CALN1: variants seen among roughly 807,000 people sequenced by gnomAD.
The protein encoded by CALN1 is calneuron 1.
A neutral mutation model predicts 30.6 loss-of-function variants in CALN1; 17 were observed. The ratio of observed to expected loss-of-function variants is 0.56; its 90% CI spans 0.38 to 0.83. CALN1 has a LOEUF of 0.83. Ranked by LOEUF, CALN1 falls within the 40% of genes least tolerant of loss-of-function variation. The pLI is 0.00. For missense variants in CALN1, 291 were observed against 354.9 expected, an observed-to-expected ratio of 0.82 and a Z score of 1.45; for synonymous variants, 156 against 131.4, an observed-to-expected ratio of 1.19 and a Z score of -1.28.
intron 4 of CALN1, among the ~76,000 whole-genome samples, chr7:72,097,704 T>C (rs202203384): frequency 0.23 from 34,032 of 146,696 alleles, 4,777 homozygotes; most frequent in East Asian, 0.69. Flanking sequence ...TTTTGACTAT[T>C]TTTTTTTCTT....
chr7:72,024,751 G>A (rs1397062623), intron 4 of CALN1, among the ~76,000 whole-genome samples: 1 of 150,706 alleles, frequency 6.6e-6, no homozygotes, highest in East Asian at 1.9e-4. Flanking sequence ...TAGTGTTCAA[G>A]CCTCACTATC....
the CALN1 span, among the ~76,000 whole-genome samples, chr7:72,485,946 G>C: frequency 6.6e-6 from 1 of 152,124 alleles, no homozygotes; most frequent in African/African-American, 2.4e-5. Context: ...GTGAGCATAT[G>C]TTCTTTTTTA....
chr7:72,314,431 A>AT (rs1167427203), intron 2 of CALN1, among the ~76,000 whole-genome samples: 158 of 146,716 alleles, frequency 1.1e-3, no homozygotes, highest in Middle Eastern at 3.7e-3. Context: ...ACATACATAG[A>AT]TTTTTTTTTT....
At position 71,787,171 on chromosome 7, in the gene CALN1, CG is replaced by C. The variant is rs1562775350; in HGVS notation, c.*603del. ...AGTCCTCTAGAAAAGGCAGTAAGAA[CG>C]GAAGCGGTGAGGGGTGCAGCTGAAG... On this transcript the variant is annotated 3_prime_UTR_variant, in exon 7 of 7. Transcript: ENST00000395275. 6.7e-6 allele frequency: 1 copy of C among 148,602 alleles called. No homozygotes were observed. Among genetic ancestry groups the C allele is most frequent in the African/African-American group, 2.5e-5 (1 of 39,776 alleles). 9.2% of individuals were successfully genotyped at this position (148,602 alleles called of 1,614,324 possible).
At chr7:72,199,053 T>A (rs1176663972) in intron 3 of CALN1, among the ~76,000 whole-genome samples, 1 of 152,150 alleles carries the variant, frequency 6.6e-6, no homozygotes, top group Non-Finnish European at 1.5e-5. Context: ...GGCAGGTAGA[T>A]CACTTGAGGT....
intron 2 of CALN1, among the ~76,000 whole-genome samples, chr7:72,294,367 T>C (rs1562850690): frequency 6.6e-6 from 1 of 151,794 alleles, no homozygotes; most frequent in South Asian, 2.1e-4. Context: ...TCATTCTATG[T>C]TTGAGGGTAA....
upstream of CALN1, among the ~76,000 whole-genome samples, chr7:72,413,733 C>T (rs538381253): frequency 1.3e-4 from 20 of 151,838 alleles, no homozygotes; most frequent in African/African-American, 2.7e-4. Flanking sequence ...TATACACACA[C>T]GCACAGCACA....
intron 3 of CALN1, among the ~76,000 whole-genome samples, chr7:72,184,946 C>T (rs2129546380): frequency 6.6e-6 from 1 of 152,190 alleles, no homozygotes; most frequent in East Asian, 1.9e-4. Context: ...TGCACATCAA[C>T]AAGCCCGGCT....
At chr7:71,930,332 A>T (rs971146422) in intron 5 of CALN1, among the ~76,000 whole-genome samples, 1 of 152,186 alleles carries the variant, frequency 6.6e-6, no homozygotes, top group Admixed American at 6.5e-5. Context: ...ATAATGTCGA[A>T]CACCTTTTCA....
At chr7:71,985,110 A>G (rs1376315963) in intron 5 of CALN1, among the ~76,000 whole-genome samples, 1 of 152,056 alleles carries the variant, frequency 6.6e-6, no homozygotes, top group Non-Finnish European at 1.5e-5. Context: ...ACACCACCAA[A>G]TTGAAAAACC....
intron 4 of CALN1, among the ~76,000 whole-genome samples, chr7:72,085,348 T>C (rs1196935349): frequency 2.0e-5 from 3 of 152,164 alleles, no homozygotes; most frequent in Non-Finnish European, 4.4e-5. Flanking sequence ...GGGAGTACAG[T>C]ATAATAAGAT....
chr7:72,323,131 T>A (rs982534454), intron 2 of CALN1, among the ~76,000 whole-genome samples: 4 of 151,924 alleles, frequency 2.6e-5, no homozygotes, highest in Non-Finnish European at 4.4e-5. Flanking sequence ...AGTTTCATCC[T>A]GACAACTGGT....
chr7:72,184,926 G>T (rs1790073979), intron 3 of CALN1, among the ~76,000 whole-genome samples: 1 of 151,800 alleles, frequency 6.6e-6, no homozygotes, highest in South Asian at 2.1e-4. Flanking sequence ...TGAGTAGCTG[G>T]GACTACAGGT....
chr7:71,910,546 G>A (rs1030111006), intron 5 of CALN1, among the ~76,000 whole-genome samples: 1 of 151,984 alleles, frequency 6.6e-6, no homozygotes, highest in Admixed American at 6.6e-5. Context: ...CTCTCTCCAG[G>A]GTATCAAATC....
intron 3 of CALN1, among the ~76,000 whole-genome samples, chr7:72,232,902 G>C (rs1267659680): frequency 1.3e-5 from 2 of 152,190 alleles, no homozygotes; most frequent in Admixed American, 1.3e-4. Context: ...ATTGGGTATA[G>C]TGATGACAGT....
chr7:72,385,339 T>C (rs1250709728), intron 2 of CALN1, among the ~76,000 whole-genome samples: 2 of 152,120 alleles, frequency 1.3e-5, no homozygotes, highest in Non-Finnish European at 2.9e-5. Flanking sequence ...CACACAAAAA[T>C]CTACATGCAA....
chr7:71,996,285 T>C (rs2129528242), intron 5 of CALN1, among the ~76,000 whole-genome samples: 1 of 152,296 alleles, frequency 6.6e-6, no homozygotes, highest in Admixed American at 6.5e-5. Flanking sequence ...AAATCACTCA[T>C]CACATCAAGA....
the CALN1 span, among the ~76,000 whole-genome samples, chr7:72,495,322 T>C: frequency 6.6e-6 from 1 of 152,224 alleles, no homozygotes; most frequent in African/African-American, 2.4e-5. Context: ...TGTCCTCAGA[T>C]GGCACTGACT....
At chr7:72,306,372 A>G (rs1799652678) in intron 2 of CALN1, among the ~76,000 whole-genome samples, 1 of 152,166 alleles carries the variant, frequency 6.6e-6, no homozygotes, top group Admixed American at 6.5e-5. Context: ...TCATCTATCT[A>G]TCTGTCTCTA....
Sources: gnomAD v4.1 joint callset for allele counts (sites outside exome capture counted in the v4.1 genomes callset) on GRCh38, gnomAD v4.1.1 for gene constraint, MANE v1.5 for transcripts, NCBI Gene and HGNC (gene_info 2026-07-23, HGNC 2026-07-21) for gene names.